The following NFATC3 variants were observed in gnomAD, a reference collection of about 807,000 sequenced individuals.
NFATC3 encodes the protein nuclear factor of activated T cells 3.
NFATC3 carries 46 observed loss-of-function variants against 98.6 expected under a neutral mutation model. The ratio of observed to expected loss-of-function variants is 0.47; its 90% CI spans 0.37 to 0.60. The LOEUF is 0.60. Ranked by LOEUF, NFATC3 falls within the 20% of genes least tolerant of loss-of-function variation. NFATC3 has a pLI of 0.00. For synonymous variants in NFATC3, 512 were observed against 472.2 expected (o/e 1.08, Z -1.09); for missense variants, 1,256 against 1,295.5 (o/e 0.97, Z 0.47).
chr16:68,203,239 G>A (rs1396110942), intron 9 of NFATC3, among the ~76,000 whole-genome samples: 2 of 152,030 alleles, frequency 1.3e-5, no homozygotes, highest in African/African-American at 4.8e-5. Context: ...TTTTTATATC[G>A]AATGCGTCTG....
intron 5 of NFATC3, among the ~76,000 whole-genome samples, chr16:68,169,519 C>G (rs1157246895): frequency 6.6e-6 from 1 of 152,154 alleles, no homozygotes; most frequent in East Asian, 1.9e-4. Context: ...TCTCAAAGTG[C>G]TGGGATTACA....
chr16:68,162,011 A>G (rs905904273), intron 4 of NFATC3, among the ~76,000 whole-genome samples: 1 of 152,172 alleles, frequency 6.6e-6, no homozygotes, highest in African/African-American at 2.4e-5. Context: ...CAGATCTAGC[A>G]TGTACTGTGT....
chr16:68,195,209 C>CGCGCCATTGTA (rs761911548), intron 9 of NFATC3, among the ~76,000 whole-genome samples: 58 of 151,700 alleles, frequency 3.8e-4, no homozygotes, highest in Admixed American at 9.9e-4. Flanking sequence ...GAGCTGAGAT[C>CGCGCCATTGTA]GCGCCATTGT....
intron 3 of NFATC3, among the ~76,000 whole-genome samples, chr16:68,153,150 A>G (rs949009852): frequency 1.3e-5 from 2 of 152,224 alleles, no homozygotes; most frequent in Non-Finnish European, 2.9e-5. Context: ...TAATCTCAGC[A>G]CTTTGGGAAG....
At chr16:68,086,774 G>T in intron 1 of NFATC3, 1 of 985,364 alleles carries the variant, frequency 1.0e-6, no homozygotes, top group Non-Finnish European at 1.2e-6. Flanking sequence ...ATACCTGAAC[G>T]TGAGGCATGA....
At chr16:68,202,985 C>T (rs2040991429) in intron 9 of NFATC3, among the ~76,000 whole-genome samples, 1 of 152,120 alleles carries the variant, frequency 6.6e-6, no homozygotes, top group South Asian at 2.1e-4. Context: ...GGATAACTCA[C>T]GAATCCTCTT....
At chr16:68,145,212 C>T (rs2037982334) in intron 3 of NFATC3, among the ~76,000 whole-genome samples, 1 of 151,394 alleles carries the variant, frequency 6.6e-6, no homozygotes, top group African/African-American at 2.4e-5. Flanking sequence ...GATGCGATCT[C>T]AGCTCACTGC....
Position 68,181,479 on chromosome 16 carries a change from A to T in NFATC3, c.1920A>T (p.Gly640=), listed in dbSNP as rs779330682. The change falls in exon 7 of 10, where the codon GGA becomes GGT. Residue 640 remains glycine (G), a synonymous_variant. Transcript: ENST00000346183. ...ATAAACTCTTTCTTTCAATAGATGG[A>T]CGACCTCAGTGGGAGGTAGAAGGGA... ...KIIFLEKGQD[G]RPQWEVEGKI... 1.2e-6 allele frequency: 2 copies of T among 1,610,884 alleles called. No individual in the cohort carries two copies. Among genetic ancestry groups the T allele is most frequent in the East Asian group, 4.5e-5 (2 of 44,804 alleles).
chr16:68,166,953 A>G lies in NFATC3; in HGVS notation c.1712A>G (p.His571Arg), dbSNP rs372638556. ...NTRVRLVFRV[H>R]IPQPSGKVLS... Reference sequence around the variant, plus strand: ...AGAGTACGACTTGTGTTTCGTGTACACATCCCACAGCCCAGTGGAAAAGTC... The same window carrying G: ...AGAGTACGACTTGTGTTTCGTGTACGCATCCCACAGCCCAGTGGAAAAGTC... The change falls in exon 5 of 10, where the codon CAC becomes CGC. Residue 571 changes from histidine (H) to arginine (R), a missense_variant. By Grantham distance (29) the His-to-Arg change is conservative. Around this residue, in one of 3 missense-constraint regions of NFATC3, gnomAD observed 636 missense variants for 617.3 expected, o/e 1.03. Coordinates refer to ENST00000346183, the MANE Select transcript of NFATC3 (RefSeq NM_173165.3). 2.0e-5 allele frequency: 33 copies of G among 1,614,110 alleles called. No individual in the cohort carries two copies. Among genetic ancestry groups the G allele is most frequent in the Non-Finnish European group, 2.7e-5 (32 of 1,180,050 alleles).
Position 68,166,965 on chromosome 16 carries a change from C to G in NFATC3, c.1724C>G (p.Pro575Arg). Residue 575 changes from proline to arginine, a missense_variant, in exon 5 of 10, where the codon CCC becomes CGC. Around this residue, in one of 3 missense-constraint regions of NFATC3, gnomAD observed 636 missense variants for 617.3 expected, o/e 1.03. Coordinates refer to ENST00000346183, the MANE Select transcript of NFATC3 (RefSeq NM_173165.3). The stretch of plus-strand genomic sequence containing the variant: ...GTGTTTCGTGTACACATCCCACAGC[C>G]CAGTGGAAAAGTCCTTTCTCTGCAG... ...RLVFRVHIPQ[P>R]SGKVLSLQIA... is the part of the protein sequence containing the mutation. The G allele has an allele frequency of 6.2e-7, 1 of 1,614,076 alleles. No homozygotes were observed. The highest frequency in any genetic ancestry group is 1.1e-5 in the South Asian group (1 of 91,084).
chr16:68,170,815 G>A (rs1475761516), intron 5 of NFATC3, among the ~76,000 whole-genome samples: 1 of 151,922 alleles, frequency 6.6e-6, no homozygotes, highest in African/African-American at 2.4e-5. Flanking sequence ...TATTGTATTT[G>A]TATGTCTTTT....
At chr16:68,184,910 G>A (rs2040117135) in intron 8 of NFATC3, among the ~76,000 whole-genome samples, 1 of 152,104 alleles carries the variant, frequency 6.6e-6, no homozygotes, top group South Asian at 2.1e-4. Context: ...AGACTTGATT[G>A]AAGGGCACCA....
chr16:68,195,756 C>T (rs990220607), intron 9 of NFATC3, among the ~76,000 whole-genome samples: 8 of 151,892 alleles, frequency 5.3e-5, no homozygotes, highest in South Asian at 2.1e-4. Flanking sequence ...TGCAGTGAGC[C>T]GAGATTGGGC....
chr16:68,187,338 G>C (rs2040246084), intron 8 of NFATC3, among the ~76,000 whole-genome samples: 2 of 152,208 alleles, frequency 1.3e-5, no homozygotes, highest in African/African-American at 2.4e-5. Flanking sequence ...GAAGGCCGCA[G>C]CTCTTCTCTC....
chr16:68,208,057 A>G (rs2041222174), intron 9 of NFATC3, among the ~76,000 whole-genome samples: 1 of 151,490 alleles, frequency 6.6e-6, no homozygotes, highest in South Asian at 2.1e-4. Flanking sequence ...TATTTTTGAG[A>G]CGGAATCTGG....
intron 9 of NFATC3, among the ~76,000 whole-genome samples, chr16:68,220,703 C>G (rs1290214441): frequency 6.9e-6 from 1 of 144,366 alleles, no homozygotes; most frequent in African/African-American, 2.6e-5. Flanking sequence ...GTCAGGAGAT[C>G]GACACCATCC....
intron 5 of NFATC3, among the ~76,000 whole-genome samples, chr16:68,173,677 C>T (rs1478072409): frequency 6.6e-6 from 1 of 152,204 alleles, no homozygotes; most frequent in East Asian, 1.9e-4. Flanking sequence ...TATAATTATA[C>T]ATCTTTGGAC....
chr16:68,164,356 G>A lies in NFATC3; in HGVS notation c.1602-2487G>A, dbSNP rs561249290. 5.9e-4 allele frequency among the ~76,000 whole-genome samples: 90 copies of A among 152,300 alleles called. 1 individual carries two copies. The highest frequency in any genetic ancestry group is 2.0e-3 in the African/African-American group (84 of 41,566). On this transcript the variant is annotated intron_variant, in intron 4 of 9. Coordinates refer to ENST00000346183, the MANE Select transcript of NFATC3 (RefSeq NM_173165.3). ...GATGGCAGCAGTACAGTCCAGCTTCGGCTCGGTATCAGAGGGAGACCGTGG... is the reference window on the plus strand; with the variant it reads ...GATGGCAGCAGTACAGTCCAGCTTCAGCTCGGTATCAGAGGGAGACCGTGG...
At chr16:68,203,124 G>T (rs1446519203) in intron 9 of NFATC3, among the ~76,000 whole-genome samples, 1 of 152,132 alleles carries the variant, frequency 6.6e-6, no homozygotes, top group Non-Finnish European at 1.5e-5. Context: ...GACCATGATG[G>T]GGATTCAAGA....
Sources: allele counts gnomAD v4.1 joint callset (sites outside exome capture counted in the v4.1 genomes callset), GRCh38; gene constraint gnomAD v4.1.1; regional missense constraint gnomAD v4.1.1; transcripts MANE v1.5; gene names NCBI Gene and HGNC (gene_info 2026-07-23, HGNC 2026-07-21).